The following DDX60 variants were observed in gnomAD, a reference collection of about 807,000 sequenced individuals.
DDX60 encodes probable ATP-dependent RNA helicase DDX60.
A neutral mutation model predicts 212.8 loss-of-function variants in DDX60; 165 were observed. The observed-to-expected ratio is 0.78, with a 90% CI of 0.68 to 0.88. DDX60 has a LOEUF of 0.88. Ranked by LOEUF, DDX60 falls within the 40% of genes least tolerant of loss-of-function variation. DDX60 has a pLI of 0.00. For synonymous variants in DDX60, 703 were observed against 685.3 expected, an observed-to-expected ratio of 1.03 and a Z score of -0.40; for missense variants, 1,905 against 2,003.9, an observed-to-expected ratio of 0.95 and a Z score of 0.94.
At chr4:168,273,143 TA>T in intron 18 of DDX60, 135 bp downstream of exon 18, 1 of 920,110 alleles carries the variant, frequency 1.1e-6, no homozygotes, top group Non-Finnish European at 1.6e-6. Context: ...ACATTTTTTC[TA>T]AAAGTATTTT....
chr4:168,292,674 C>G (rs1383903004), intron 7 of DDX60, among the ~76,000 whole-genome samples: 2 of 152,040 alleles, frequency 1.3e-5, no homozygotes, highest in Non-Finnish European at 2.9e-5. Context: ...AAAAACCTGC[C>G]CTGTGAGAAC....
rs541643270 is a variant in DDX60, at chr4:168,238,995, T to G, written c.4165-1200A>C. Among the ~76,000 whole-genome samples, 55 of 152,260 alleles carry G rather than the reference T, an allele frequency of 3.6e-4. No homozygotes were observed. The South Asian group carries it at 0.011, about 30-fold the overall frequency. The stretch of plus-strand genomic sequence containing the variant: ...GGATAGAGTGAAGCCAGAAGAAATT[T>G]CATACATCCTATTGCTTGGCAAACC... On this transcript the variant is annotated intron_variant, in intron 30 of 37. Coordinates refer to ENST00000393743, the MANE Select transcript of DDX60 (RefSeq NM_017631.6).
chr4:168,291,963 T>C, intron 7 of DDX60, 57 bp from the exon 8 acceptor site: 5 of 1,354,932 alleles, frequency 3.7e-6, no homozygotes, highest in Non-Finnish European at 4.9e-6. Context: ...CATTGCATAA[T>C]AAGCATCTAG....
intron 30 of DDX60, among the ~76,000 whole-genome samples, chr4:168,245,768 G>A (rs1733998113): frequency 6.6e-6 from 1 of 152,174 alleles, no homozygotes; most frequent in African/African-American, 2.4e-5. Context: ...TGAATTGTAA[G>A]TCTGTCATTG....
At chr4:168,282,384 T>C (rs974889864) in intron 13 of DDX60, among the ~76,000 whole-genome samples, 2 of 152,184 alleles carry the variant, frequency 1.3e-5, no homozygotes, top group Non-Finnish European at 2.9e-5. Flanking sequence ...CACTGAAGGC[T>C]TGACAAAGAG....
chr4:168,306,094 T>A (rs1242766200), intron 5 of DDX60, among the ~76,000 whole-genome samples: 1 of 152,222 alleles, frequency 6.6e-6, no homozygotes, highest in Non-Finnish European at 1.5e-5. Context: ...TAGTATCTAT[T>A]TCATCACTGT....
At chr4:168,294,578 GCAATCTCTGCCTCCCAGGCT>G (rs1736258475) in intron 6 of DDX60, among the ~76,000 whole-genome samples, 1 of 151,952 alleles carries the variant, frequency 6.6e-6, no homozygotes, top group Non-Finnish European at 1.5e-5. Context: ...TCAGCTCATT[GCAATCTCTGCCTCCCAGGCT>G]CAAGCGATTC....
At chr4:168,229,042 AC>A (rs1733356197) in intron 33 of DDX60, among the ~76,000 whole-genome samples, 4 of 152,248 alleles carry the variant, frequency 2.6e-5, no homozygotes, top group South Asian at 2.1e-4. Flanking sequence ...TGCAGCTCCC[AC>A]TCAGACAGAC....
At chr4:168,286,423 G>GAGATATATAGATAGAT (rs1735856850) in intron 10 of DDX60, among the ~76,000 whole-genome samples, 1 of 136,828 alleles carries the variant, frequency 7.3e-6, no homozygotes, top group East Asian at 2.5e-4. Context: ...CACACCACAC[G>GAGATATATAGATAGAT]AGATAGATAG....
At chr4:168,219,489 G>A (rs781326651) in intron 37 of DDX60, among the ~76,000 whole-genome samples, 1 of 152,002 alleles carries the variant, frequency 6.6e-6, no homozygotes, top group Non-Finnish European at 1.5e-5. Context: ...CAGTAACTAT[G>A]AGCCACTCAA....
chr4:168,316,993 G>A (rs2149560089), intron 1 of DDX60, among the ~76,000 whole-genome samples: 1 of 149,750 alleles, frequency 6.7e-6, no homozygotes, highest in East Asian at 2.0e-4. Flanking sequence ...GGGAGGCAGA[G>A]GTTGCAGTGA....
chr4:168,272,097 A>C lies in DDX60; in HGVS notation c.2616T>G (p.Leu872=). 6.3e-7 allele frequency: 1 copy of C among 1,587,010 alleles called. No individual in the cohort carries two copies. The highest frequency in any genetic ancestry group is 8.6e-7 in the Non-Finnish European group (1 of 1,163,852). ...TVPACFEILL[L]APHRQNWVKK... Reference sequence around the variant, plus strand: ...TCACCCAGTTTTGGCGATGAGGAGCAAGCAGCAGAATTTCAAAGCAGGCAG... The same window carrying C: ...TCACCCAGTTTTGGCGATGAGGAGCCAGCAGCAGAATTTCAAAGCAGGCAG... Residue 872 remains leucine, a synonymous_variant, in exon 19 of 38, where the codon CTT becomes CTG. Transcript: ENST00000393743.
intron 6 of DDX60, among the ~76,000 whole-genome samples, chr4:168,296,995 G>A (rs1018860907): frequency 1.3e-5 from 2 of 150,584 alleles, no homozygotes; most frequent in African/African-American, 4.9e-5. Flanking sequence ...CACTGCAACT[G>A]CCATCTCCAG....
intron 24 of DDX60, 143 bp downstream of exon 24, chr4:168,261,857 A>G (rs1386441869): frequency 3.6e-5 from 34 of 947,992 alleles, no homozygotes; most frequent in Non-Finnish European, 5.0e-5. Context: ...ATTCTATCTC[A>G]GAATTACTAG....
intron 13 of DDX60, among the ~76,000 whole-genome samples, chr4:168,283,092 T>C (rs1236343698): frequency 6.6e-6 from 1 of 152,102 alleles, no homozygotes; most frequent in Non-Finnish European, 1.5e-5. Context: ...AAAAAGTAGA[T>C]AAACATTTCA....
intron 19 of DDX60, 86 bp downstream of exon 19, chr4:168,271,957 G>A: frequency 1.9e-6 from 2 of 1,076,638 alleles, no homozygotes; most frequent in Non-Finnish European, 2.8e-6. Context: ...CCATCCAAGG[G>A]GATAGATGTC....
intron 1 of DDX60, among the ~76,000 whole-genome samples, chr4:168,312,827 C>A (rs920812134): frequency 6.6e-6 from 1 of 151,070 alleles, no homozygotes; most frequent in Non-Finnish European, 1.5e-5. Flanking sequence ...TTAAATATTA[C>A]AATAATAATG....
intron 6 of DDX60, among the ~76,000 whole-genome samples, chr4:168,297,035 C>T (rs1364945691): frequency 2.0e-5 from 3 of 151,650 alleles, no homozygotes; most frequent in East Asian, 1.9e-4. Flanking sequence ...CTCAGCCTCC[C>T]GAGTAGCTGG....
At chr4:168,232,298 A>C (rs192498455) in intron 33 of DDX60, among the ~76,000 whole-genome samples, 6 of 152,202 alleles carry the variant, frequency 3.9e-5, no homozygotes, top group Non-Finnish European at 7.4e-5. Context: ...TGCCAAAAGC[A>C]ATCTACAAAT....
Sources: allele counts gnomAD v4.1 joint callset (sites outside exome capture counted in the v4.1 genomes callset), GRCh38; gene constraint gnomAD v4.1.1; transcripts MANE v1.5; gene names NCBI Gene and HGNC (gene_info 2026-07-23, HGNC 2026-07-21).